Variants in CAB39 observed in about 807,000 individuals in gnomAD.
The protein encoded by CAB39 is calcium-binding protein 39.
In CAB39, 8 loss-of-function variants were observed where a neutral mutation model predicts 40.0. The observed-to-expected ratio is 0.20, with a 90% confidence interval of 0.12 to 0.36. CAB39 has a LOEUF of 0.36. Ranked by LOEUF, CAB39 falls within the 10% of genes least tolerant of loss-of-function variation. The pLI is 1.00. For missense variants in CAB39, 270 were observed against 401.1 expected, an observed-to-expected ratio of 0.67 and a Z score of 2.79; for synonymous variants, 156 against 141.6, an observed-to-expected ratio of 1.10 and a Z score of -0.72.
intron 1 of CAB39, among the ~76,000 whole-genome samples, chr2:230,726,496 C>A (rs1270825754): frequency 6.6e-6 from 1 of 151,800 alleles, no homozygotes; most frequent in Non-Finnish European, 1.5e-5. Flanking sequence ...TTATAGGATC[C>A]TTTTACTTGT....
chr2:230,782,638 C>G (rs1191551825), intron 2 of CAB39, among the ~76,000 whole-genome samples: 1 of 152,002 alleles, frequency 6.6e-6, no homozygotes, highest in Admixed American at 6.5e-5. Context: ...TAGGGAATTA[C>G]GTTGTAAATT....
intron 2 of CAB39, among the ~76,000 whole-genome samples, chr2:230,781,491 A>G: frequency 6.6e-6 from 1 of 152,232 alleles, no homozygotes; most frequent in Non-Finnish European, 1.5e-5. Flanking sequence ...GATTTGAATA[A>G]AGCACATTTA....
At chr2:230,797,913 A>G (rs1696018169) in intron 4 of CAB39, among the ~76,000 whole-genome samples, 1 of 152,176 alleles carries the variant, frequency 6.6e-6, no homozygotes, top group African/African-American at 2.4e-5. Flanking sequence ...CTAGAGGAGA[A>G]TGTGAGGTGG....
rs141391211 is a variant in CAB39, at chr2:230,768,503, C to T, written c.114+8388C>T. ...GATTGAGTCACTGTGAGCTTGTTGG[C>T]AGGGTTTTGGTGATCTAGGACAGTT... On this transcript the variant is annotated intron_variant, in intron 2 of 8. Transcript: ENST00000258418. Among the ~76,000 whole-genome samples the T allele has an allele frequency of 2.4e-3, 363 of 152,240 alleles. 1 individual carries two copies. The highest frequency in any genetic ancestry group is 8.4e-3 in the African/African-American group (348 of 41,532).
At chr2:230,776,630 T>C (rs986969739) in intron 2 of CAB39, among the ~76,000 whole-genome samples, 9 of 152,198 alleles carry the variant, frequency 5.9e-5, no homozygotes, top group Non-Finnish European at 1.3e-4. Context: ...GTGTCACTAG[T>C]TCATTGCTCT....
At chr2:230,728,143 CAGG>C (rs1694620483) in intron 1 of CAB39, among the ~76,000 whole-genome samples, 1 of 152,116 alleles carries the variant, frequency 6.6e-6, no homozygotes, top group Non-Finnish European at 1.5e-5. Context: ...GCGGCTGAGA[CAGG>C]AGAATTGCTT....
chr2:230,810,960 C>T (rs1213860845), intron 6 of CAB39, among the ~76,000 whole-genome samples: 1 of 152,212 alleles, frequency 6.6e-6, no homozygotes, highest in East Asian at 1.9e-4. Context: ...TAGACCCGCA[C>T]AACTGCCTCT....
At chr2:230,723,329 T>C (rs1368581667) in intron 1 of CAB39, among the ~76,000 whole-genome samples, 4 of 152,054 alleles carry the variant, frequency 2.6e-5, no homozygotes, top group African/African-American at 9.7e-5. Context: ...TTTTTTTTCT[T>C]TCTGGTTTAA....
chr2:230,755,636 TTTAA>T (rs895213120), intron 1 of CAB39, among the ~76,000 whole-genome samples: 1 of 152,228 alleles, frequency 6.6e-6, no homozygotes, highest in African/African-American at 2.4e-5. Flanking sequence ...GCAAAAGCAC[TTTAA>T]TTAAGCCCCA....
intron 1 of CAB39, among the ~76,000 whole-genome samples, chr2:230,744,814 G>T (rs1291743526): frequency 6.6e-6 from 1 of 152,146 alleles, no homozygotes; most frequent in Non-Finnish European, 1.5e-5. Context: ...AAGTATTTGA[G>T]GTTTAACATG....
intron 1 of CAB39, among the ~76,000 whole-genome samples, chr2:230,731,267 A>T (rs1694683594): frequency 6.6e-6 from 1 of 152,246 alleles, no homozygotes; most frequent in African/African-American, 2.4e-5. Flanking sequence ...GTAGGGTTGC[A>T]TTGAGATGCA....
In CAB39 at chr2:230,819,277, T is replaced by C. The variant is rs895536028; in HGVS notation, c.*573T>C. On this transcript the variant is annotated 3_prime_UTR_variant, in exon 9 of 9. Transcript: ENST00000258418. ...AACTTCTTAAAAGTGTAAAGAAGCC[T>C]CATAAGATCATAAGGAAAATGTATA... 2.6e-5 allele frequency: 4 copies of C among 152,570 alleles called. No individual in the cohort carries two copies. Among genetic ancestry groups the C allele is most frequent in the East Asian group, 1.9e-4 (1 of 5,208 alleles). 9.5% of individuals were successfully genotyped at this position (152,570 alleles called of 1,614,324 possible).
chr2:230,754,845 G>A (rs974153611), intron 1 of CAB39, among the ~76,000 whole-genome samples: 11 of 152,198 alleles, frequency 7.2e-5, no homozygotes, highest in Admixed American at 5.9e-4. Flanking sequence ...TCGCTCGCCC[G>A]CTTCCCCACA....
intron 1 of CAB39, among the ~76,000 whole-genome samples, chr2:230,733,834 A>G (rs1015382151): frequency 8.5e-5 from 13 of 152,198 alleles, no homozygotes; most frequent in Non-Finnish European, 1.8e-4. Flanking sequence ...TTGGGAGTTG[A>G]GTTTAGGATA....
At chr2:230,749,020 A>T (rs982555767) in intron 1 of CAB39, among the ~76,000 whole-genome samples, 2 of 140,326 alleles carry the variant, frequency 1.4e-5, no homozygotes, top group Non-Finnish European at 3.1e-5. Flanking sequence ...TTTTTTTTTT[A>T]AACCAATTGT....
At chr2:230,781,101 G>A (rs575840157) in intron 2 of CAB39, among the ~76,000 whole-genome samples, 7 of 152,052 alleles carry the variant, frequency 4.6e-5, no homozygotes, top group Middle Eastern at 3.4e-3. Context: ...AAATTATCTC[G>A]GGGGAACTGA....
intron 2 of CAB39, among the ~76,000 whole-genome samples, chr2:230,776,411 A>T (rs1695586274): frequency 6.6e-6 from 1 of 152,338 alleles, no homozygotes; most frequent in South Asian, 2.1e-4. Context: ...TATAATCCAC[A>T]GGGCTTGTTC....
chr2:230,741,848 A>G (rs528745731), intron 1 of CAB39, among the ~76,000 whole-genome samples: 79 of 152,336 alleles, frequency 5.2e-4, no homozygotes, highest in African/African-American at 1.8e-3. Context: ...AAAATAACTT[A>G]GTTGCTGGCT....
chr2:230,787,099 A>G (rs1411026560), intron 2 of CAB39, among the ~76,000 whole-genome samples: 1 of 152,252 alleles, frequency 6.6e-6, no homozygotes, highest in African/African-American at 2.4e-5. Flanking sequence ...TGTAGTAAAA[A>G]GGTCAGACCA....
Sources: allele counts gnomAD v4.1 joint callset (sites outside exome capture counted in the v4.1 genomes callset), GRCh38; gene constraint gnomAD v4.1.1; transcripts MANE v1.5; gene names NCBI Gene and HGNC (gene_info 2026-07-23, HGNC 2026-07-21).